Variants in WDR59 observed in about 807,000 individuals in gnomAD.
The protein encoded by WDR59 is WD repeat domain 59.
WDR59 carries 100 observed loss-of-function variants against 131.2 expected under a neutral mutation model. The observed-to-expected ratio is 0.76, with a 90% CI of 0.65 to 0.90. WDR59 has a LOEUF of 0.90. Among genes scored for constraint, WDR59 ranks in the 40% least tolerant of loss-of-function variants. The probability of loss-of-function intolerance (pLI) is 0.00; values close to 1 mark genes in which losing one functional copy is unlikely to be tolerated. For synonymous variants in WDR59, 601 were observed against 466.2 expected (o/e 1.29, Z -3.72); for missense variants, 1,203 against 1,262.2 (o/e 0.95, Z 0.71).
chr16:74,978,888 G>A (rs2034291065), intron 1 of WDR59: 2 of 152,146 alleles, frequency 1.3e-5, no homozygotes, highest in Non-Finnish European at 2.9e-5. Flanking sequence ...TCCTGAAGTG[G>A]AGACACGAAG....
intron 20 of WDR59, among the ~76,000 whole-genome samples, chr16:74,890,826 A>G: frequency 6.6e-6 from 1 of 152,122 alleles, no homozygotes; most frequent in East Asian, 1.9e-4. Flanking sequence ...ACCTTTAAAA[A>G]TCAAATACGG....
intron 18 of WDR59, chr16:74,899,654 G>C: frequency 1.6e-6 from 2 of 1,280,062 alleles, no homozygotes; most frequent in Non-Finnish European, 2.0e-6. Flanking sequence ...GCCTCGGGTA[G>C]AGACAGGATT....
At chr16:74,881,768 G>A (rs947923843) in intron 25 of WDR59, among the ~76,000 whole-genome samples, 1 of 151,414 alleles carries the variant, frequency 6.6e-6, no homozygotes, top group Non-Finnish European at 1.5e-5. Context: ...AGCTACTCAG[G>A]AGGCTGAGGT....
intron 8 of WDR59, among the ~76,000 whole-genome samples, chr16:74,934,497 T>G (rs1018403097): frequency 6.6e-6 from 1 of 152,222 alleles, no homozygotes; most frequent in African/African-American, 2.4e-5. Flanking sequence ...ATATGTCATT[T>G]GCAAACAGAA....
chr16:74,892,363 G>A (rs1965084637), intron 20 of WDR59, 121 bp downstream of exon 20: 3 of 919,458 alleles, frequency 3.3e-6, no homozygotes, highest in Non-Finnish European at 3.3e-6. Context: ...CAAAGAAAAT[G>A]GAAAATGAAT....
At chr16:74,905,721 T>A (rs1222171093) in intron 17 of WDR59, among the ~76,000 whole-genome samples, 1 of 150,456 alleles carries the variant, frequency 6.6e-6, no homozygotes, top group Non-Finnish European at 1.5e-5. Context: ...AAAAATAAAA[T>A]AAAATAAATA....
intron 1 of WDR59, among the ~76,000 whole-genome samples, chr16:74,968,083 T>C (rs561140298): frequency 1.3e-5 from 2 of 152,074 alleles, no homozygotes; most frequent in African/African-American, 4.8e-5. Flanking sequence ...CTAAAGCAGA[T>C]GAACTCATAG....
intron 9 of WDR59, among the ~76,000 whole-genome samples, 198 bp downstream of exon 9, chr16:74,923,728 C>CA (rs1037425404): frequency 2.0e-5 from 3 of 152,084 alleles, no homozygotes; most frequent in African/African-American, 7.2e-5. Flanking sequence ...AGGTGTGAGC[C>CA]ACTGCGCCCG....
At chr16:74,928,801 C>A (rs555574184) in intron 8 of WDR59, among the ~76,000 whole-genome samples, 11 of 152,066 alleles carry the variant, frequency 7.2e-5, no homozygotes, top group African/African-American at 2.7e-4. Flanking sequence ...CCCAGCTACT[C>A]AGGAAGCTGA....
At position 74,958,592 on chromosome 16, in the gene WDR59, C is replaced by CAAA. The variant is rs747175030; in HGVS notation, c.105-1985_105-1983dup. ...TGGGGGACAGGCTGAGACTCCATCT[C>CAAA]AAAAAAAAAAAAAAAAAAAAAAAAA... On this transcript the variant is annotated intron_variant, in intron 2 of 25. Coordinates refer to ENST00000262144, the MANE Select transcript of WDR59 (RefSeq NM_030581.4). 1.1e-3 allele frequency among the ~76,000 whole-genome samples: 15 copies of CAAA among 13,242 alleles called. 2 individuals carry two copies. Among genetic ancestry groups the CAAA allele is most frequent in the African/African-American group, 1.7e-3 (8 of 4,700 alleles). 8.7% of individuals were successfully genotyped at this position (13,242 alleles called of 152,430 possible). A position where few individuals can be genotyped will look rare whatever the true frequency, so the allele number is the denominator to read the frequency against.
At chr16:74,937,006 C>A (rs1386149917) in intron 8 of WDR59, among the ~76,000 whole-genome samples, 1 of 152,110 alleles carries the variant, frequency 6.6e-6, no homozygotes, top group African/African-American at 2.4e-5. Context: ...ACAAAGATGT[C>A]ATATATGACT....
chr16:74,889,109 A>G (rs1964917863), intron 21 of WDR59, among the ~76,000 whole-genome samples: 2 of 152,246 alleles, frequency 1.3e-5, no homozygotes, highest in Admixed American at 1.3e-4. Flanking sequence ...GCCTTAATGC[A>G]TAAATTAAGC....
At chr16:74,971,027 C>CTT (rs2033962293) in intron 1 of WDR59, among the ~76,000 whole-genome samples, 1 of 151,678 alleles carries the variant, frequency 6.6e-6, no homozygotes, top group South Asian at 2.1e-4. Flanking sequence ...CCTGGCTAAA[C>CTT]GACAAAGCAA....
chr16:74,907,972 T>A (rs1369132766), intron 17 of WDR59, among the ~76,000 whole-genome samples: 2 of 152,182 alleles, frequency 1.3e-5, no homozygotes, highest in Non-Finnish European at 2.9e-5. Flanking sequence ...GGCTCTGAAG[T>A]CTATATTCCT....
intron 14 of WDR59, 133 bp downstream of exon 14, chr16:74,912,065 G>T: frequency 8.2e-7 from 1 of 1,215,002 alleles, no homozygotes; most frequent in Non-Finnish European, 1.2e-6. Flanking sequence ...CAGAGGTTAC[G>T]TTGCTAATAC....
In WDR59 at chr16:74,873,936, T is replaced by C; in HGVS notation, c.*273A>G. 3 of 434,264 alleles carry C rather than the reference T, an allele frequency of 6.9e-6. No homozygotes were observed. The highest frequency in any genetic ancestry group is 1.3e-5 in the Non-Finnish European group (3 of 237,238). The allele number at this position is 434,264 out of a possible 1,614,324, so 26.9% of individuals were successfully genotyped here. A position where few individuals can be genotyped will look rare whatever the true frequency, so the allele number is the denominator to read the frequency against. On this transcript the variant is annotated 3_prime_UTR_variant, in exon 26 of 26. Coordinates refer to ENST00000262144, the MANE Select transcript of WDR59 (RefSeq NM_030581.4). Reference sequence around the variant, plus strand: ...GCCAGGTGCTTTTCTCCATGAAAACTTCCACCTTGGTAGCTCAGCCGACAT... The same window carrying C: ...GCCAGGTGCTTTTCTCCATGAAAACCTCCACCTTGGTAGCTCAGCCGACAT...
chr16:74,975,403 C>T (rs2034141718), intron 1 of WDR59, among the ~76,000 whole-genome samples: 1 of 151,550 alleles, frequency 6.6e-6, no homozygotes, highest in Non-Finnish European at 1.5e-5. Context: ...TGGCTTATGC[C>T]TGTAATTCCA....
intron 13 of WDR59, among the ~76,000 whole-genome samples, chr16:74,914,170 C>T (rs1747274656): frequency 1.3e-5 from 2 of 152,070 alleles, no homozygotes; most frequent in African/African-American, 4.8e-5. Flanking sequence ...CACGGTAGCA[C>T]CACTGCACTC....
chr16:74,887,637 G>A (rs1438945261), intron 23 of WDR59, 46 bp downstream of exon 23: 2 of 1,573,724 alleles, frequency 1.3e-6, no homozygotes, highest in South Asian at 1.1e-5. Context: ...GCACAGCTCT[G>A]GGAGAACTAA....
Sources: gnomAD v4.1 joint callset for allele counts (sites outside exome capture counted in the v4.1 genomes callset) on GRCh38, gnomAD v4.1.1 for gene constraint, MANE v1.5 for transcripts, NCBI Gene and HGNC (gene_info 2026-07-23, HGNC 2026-07-21) for gene names.